Variants in MRPL28 observed in about 807,000 individuals in gnomAD.
MRPL28 encodes large ribosomal subunit protein bL28m.
Under a neutral mutation model 26.2 loss-of-function variants are expected in MRPL28, and 25 were observed. The observed-to-expected ratio is 0.95, with a 90% confidence interval of 0.69 to 1.33. MRPL28 has a LOEUF of 1.33. MRPL28 is among the 40% of genes most tolerant of loss of function. The pLI, the probability that MRPL28 is intolerant of heterozygous loss-of-function variation, is 0.00. For missense variants in MRPL28, 432 were observed against 327.2 expected (o/e 1.32, Z -2.47); for synonymous variants, 227 against 140.1 (o/e 1.62, Z -4.38).
chr16:369,209 C>G lies in MRPL28; in HGVS notation c.300G>C (p.Arg100Ser). 1 of 1,613,914 alleles carries G rather than the reference C, an allele frequency of 6.2e-7. No homozygotes were observed. The highest frequency in any genetic ancestry group is 8.5e-7 in the Non-Finnish European group (1 of 1,179,892). The part of the protein sequence containing the change: ...IYANNDKLSK[R>S]LKKVWKPQLF... ...GCTGTGGCTTCCACACTTTCTTCAGCCTCTTGGAGAGCTGAGGGTGCAACA... is the reference window on the plus strand; with the variant it reads ...GCTGTGGCTTCCACACTTTCTTCAGGCTCTTGGAGAGCTGAGGGTGCAACA... The change falls in exon 3 of 6, where the codon AGG becomes AGC. Residue 100 changes from arginine (R) to serine (S), a missense_variant. Coordinates refer to ENST00000199706, the MANE Select transcript of MRPL28 (RefSeq NM_006428.5).
intron 2 of MRPL28, 132 bp downstream of exon 2, chr16:369,799 C>G (rs1597152613): frequency 8.5e-7 from 1 of 1,171,682 alleles, no homozygotes; most frequent in East Asian, 2.5e-5. Context: ...TGCTCCTTTG[C>G]CGGAGATGTG....
At chr16:369,876 G>C (rs887440232) in intron 2 of MRPL28, 55 bp downstream of exon 2, 2 of 1,563,712 alleles carry the variant, frequency 1.3e-6, no homozygotes, top group South Asian at 1.2e-5. Flanking sequence ...GTCCGGCACA[G>C]AGCCGGCACA....
chr16:369,547 T>C (rs1306282073), intron 2 of MRPL28: 1 of 607,286 alleles, frequency 1.6e-6, no homozygotes, highest in Non-Finnish European at 3.1e-6. Flanking sequence ...GACACAAGTC[T>C]CCCCACAGGC....
At position 368,327 on chromosome 16, in the gene MRPL28, CCTT is replaced by C; in HGVS notation, c.661_663del (p.Lys221del). 1 of 1,613,388 alleles carries C rather than the reference CCTT, an allele frequency of 6.2e-7. No homozygotes were observed. Among genetic ancestry groups the C allele is most frequent in the Non-Finnish European group, 8.5e-7 (1 of 1,179,922 alleles). The stretch of plus-strand genomic sequence containing the variant: ...GCATCGGCTGGTGCTCACACACTCA[CCTT>C]CTCCTCCAAAAGTCTCTGCTTCTCA... On this transcript the variant is annotated inframe_deletion and splice_region_variant, in exon 5 of 6. Transcript: ENST00000199706.
chr16:368,246 G>C, intron 5 of MRPL28, 82 bp downstream of exon 5: 1 of 1,501,954 alleles, frequency 6.7e-7, no homozygotes, highest in South Asian at 1.1e-5. Context: ...CCCTTGTGCA[G>C]GCTCTCTCCA....
chr16:370,157 C>G lies in MRPL28; in HGVS notation c.62G>C (p.Cys21Ser), dbSNP rs756032565. ...CAGGTAGTGGCCGGGCAGGCGGGAA[C>G]AGATGCCCTCCCGCAGCTGCAGCCG... is the stretch of plus-strand genomic sequence containing the variant. ...WKRLQLREGI[C>S]SRLPGHYLRS... The change falls in exon 2 of 6, where the codon TGT (cysteine) becomes TCT (serine). Residue 21 changes from cysteine to serine, a missense_variant. By Grantham distance (112) the Cys-to-Ser change is moderately radical. Coordinates refer to ENST00000199706, the MANE Select transcript of MRPL28 (RefSeq NM_006428.5). 1 of 1,601,650 alleles carries G rather than the reference C, an allele frequency of 6.2e-7. No homozygotes were observed. The highest frequency in any genetic ancestry group is 1.1e-5 in the South Asian group (1 of 90,138).
intron 3 of MRPL28, 170 bp from the exon 4 acceptor site, chr16:368,805 C>A (rs1038966332): frequency 7.9e-6 from 9 of 1,145,024 alleles, no homozygotes; most frequent in African/African-American, 1.6e-5. Flanking sequence ...AGCACAGAAG[C>A]AAGTCCAAGT....
chr16:368,241 G>C (rs913631374), intron 5 of MRPL28, 87 bp downstream of exon 5: 1 of 1,479,408 alleles, frequency 6.8e-7, no homozygotes. Context: ...CCAGCCCCTT[G>C]TGCAGGCTCT....
chr16:367,662 A>G lies in MRPL28; in HGVS notation c.*13T>C, dbSNP rs2054271656. ...AGCTGGGCCTGTTGGTCAGGCATGG[A>G]GGAGCTGTGTGGTCACTGGCCACTG... On this transcript the variant is annotated 3_prime_UTR_variant, in exon 6 of 6. Transcript: ENST00000199706. 6.2e-7 allele frequency: 1 copy of G among 1,609,330 alleles called. No homozygotes were observed. Among genetic ancestry groups the G allele is most frequent in the African/African-American group, 1.3e-5 (1 of 74,778 alleles).
chr16:368,473 G>A (rs201192649), intron 4 of MRPL28, 28 bp downstream of exon 4: 37 of 1,612,244 alleles, frequency 2.3e-5, no homozygotes, highest in African/African-American at 4.0e-5. Context: ...GAGTCCCCAG[G>A]TGTAGGGAGC....
At position 367,441 on chromosome 16, in the gene MRPL28, A is replaced by T; in HGVS notation, c.*234T>A. The stretch of plus-strand genomic sequence containing the variant: ...GCTCCCGGCCCCACGGGCACAAGGA[A>T]CACTGCCGCAAACGTCGGGGCCCAG... On this transcript the variant is annotated 3_prime_UTR_variant, in exon 6 of 6. Transcript: ENST00000199706. 1.4e-6 allele frequency: 1 copy of T among 714,774 alleles called. No individual in the cohort carries two copies. The highest frequency in any genetic ancestry group is 2.6e-6 in the Non-Finnish European group (1 of 383,182). 44.3% of individuals were successfully genotyped at this position (714,774 alleles called of 1,614,324 possible).
At chr16:369,897 G>C in intron 2 of MRPL28, 34 bp downstream of exon 2, 1 of 1,585,008 alleles carries the variant, frequency 6.3e-7, no homozygotes, top group African/African-American at 1.3e-5. Flanking sequence ...GCCAAGCCCT[G>C]AGAGGAGCCC....
intron 5 of MRPL28, among the ~76,000 whole-genome samples, 171 bp downstream of exon 5, chr16:368,157 G>A (rs943435817): frequency 2.0e-5 from 3 of 152,204 alleles, no homozygotes; most frequent in African/African-American, 7.2e-5. Context: ...GGGACTTGGA[G>A]GGGAGGGAGC....
chr16:367,346 A>G lies in MRPL28; in HGVS notation c.*329T>C. On this transcript the variant is annotated 3_prime_UTR_variant, in exon 6 of 6. Transcript: ENST00000199706. ...CAGCAAGGGCAGGGGTGACAGGATC[A>G]GGATCCCCAAAGAGAACACCAGTCC... 1 of 639,346 alleles carries G rather than the reference A, an allele frequency of 1.6e-6. No homozygotes were observed. The highest frequency in any genetic ancestry group is 2.9e-6 in the Non-Finnish European group (1 of 340,794). 39.6% of individuals were successfully genotyped at this position (639,346 alleles called of 1,614,324 possible).
intron 1 of MRPL28, 27 bp from the exon 2 acceptor site, chr16:370,252 A>C (rs1166558347): frequency 2.1e-6 from 3 of 1,451,174 alleles, no homozygotes; most frequent in Non-Finnish European, 2.7e-6. Flanking sequence ...GCTCGCAGTC[A>C]GTCGCAGCCT....
intron 5 of MRPL28, 56 bp from the exon 6 acceptor site, chr16:367,838 C>T: frequency 6.7e-7 from 1 of 1,485,228 alleles, no homozygotes; most frequent in East Asian, 2.3e-5. Context: ...AGCTGGAGTT[C>T]CGACGGGGAT....
In MRPL28 at chr16:370,145, G is replaced by C. The variant is rs1282979081; in HGVS notation, c.74C>G (p.Pro25Arg). ...QLREGICSRL[P>R]GHYLRSLEEE... is the part of the protein sequence containing the mutation. ...CTCCAGGGAGCGCAGGTAGTGGCCGGGCAGGCGGGAACAGATGCCCTCCCG... is the reference window on the plus strand; with the variant it reads ...CTCCAGGGAGCGCAGGTAGTGGCCGCGCAGGCGGGAACAGATGCCCTCCCG... Residue 25 changes from proline (P) to arginine (R), a missense_variant, in exon 2 of 6, where the codon CCC becomes CGC. Transcript: ENST00000199706. 3 of 1,603,490 alleles carry C rather than the reference G, an allele frequency of 1.9e-6. No homozygotes were observed. Among genetic ancestry groups the C allele is most frequent in the African/African-American group, 1.3e-5 (1 of 74,772 alleles).
rs1271489786 is a variant in MRPL28, at chr16:367,777, A to G, written c.669T>C (p.Pro223=). Residue 223 remains proline (P), a synonymous_variant, in exon 6 of 6, where the codon CCT becomes CCC. Transcript: ENST00000199706. ...EKQRLLEEKD[P]VPLFKIYVAE... ...CCACATAGATCTTGAACAGGGGTAC[A>G]GGGTCCTGAAGGAGAGAGGGGCTCA... 1 of 1,613,366 alleles carries G rather than the reference A, an allele frequency of 6.2e-7. No individual in the cohort carries two copies. Among genetic ancestry groups the G allele is most frequent in the Non-Finnish European group, 8.5e-7 (1 of 1,179,712 alleles).
Position 367,511 on chromosome 16 carries a change from G to A in MRPL28, c.*164C>T. On this transcript the variant is annotated 3_prime_UTR_variant, in exon 6 of 6. Coordinates refer to ENST00000199706, the MANE Select transcript of MRPL28 (RefSeq NM_006428.5). ...CGGCCCAGGCCTCCTGGGGATCCCT[G>A]CCAAGCTGGCCCCGGGCTGGAAGGT... The A allele has an allele frequency of 1.3e-6, 1 of 746,186 alleles. No homozygotes were observed. The highest frequency in any genetic ancestry group is 2.4e-6 in the Non-Finnish European group (1 of 416,676). The allele number at this position is 746,186 out of a possible 1,614,324, so 46.2% of individuals were successfully genotyped here. A position where few individuals can be genotyped will look rare whatever the true frequency, so the allele number is the denominator to read the frequency against.
Sources: allele counts gnomAD v4.1 joint callset (sites outside exome capture counted in the v4.1 genomes callset), GRCh38; gene constraint gnomAD v4.1.1; transcripts MANE v1.5; gene names NCBI Gene and HGNC (gene_info 2026-07-23, HGNC 2026-07-21).